The following ADGRL3 variants were observed in gnomAD, a reference collection of about 807,000 sequenced individuals.
The protein encoded by ADGRL3 is calcium-independent alpha-latrotoxin receptor 3.
A neutral mutation model predicts 153.5 loss-of-function variants in ADGRL3; 62 were observed. The ratio of observed to expected loss-of-function variants is 0.40; its 90% confidence interval spans 0.33 to 0.50. ADGRL3 has a LOEUF of 0.50. ADGRL3 is among the 20% of genes least tolerant of loss of function. The probability of loss-of-function intolerance (pLI) is 0.47; values close to 1 mark genes in which losing one functional copy is unlikely to be tolerated. For synonymous variants in ADGRL3, 710 were observed against 672.5 expected (o/e 1.06, Z -0.86); for missense variants, 1,641 against 1,859.4 (o/e 0.88, Z 2.16).
chr4:61,591,319 T>C (rs879500586), intron 5 of ADGRL3, among the ~76,000 whole-genome samples: 2 of 152,204 alleles, frequency 1.3e-5, no homozygotes, highest in African/African-American at 4.8e-5. Flanking sequence ...TAGCAACTGT[T>C]GCAACCACTG....
intron 12 of ADGRL3, among the ~76,000 whole-genome samples, chr4:61,911,643 T>A (rs1295856920): frequency 6.6e-6 from 1 of 152,138 alleles, no homozygotes; most frequent in Admixed American, 6.6e-5. Flanking sequence ...ACGATGCAAG[T>A]CAGTGATCCA....
At chr4:61,640,588 CTA>C (rs1307350542) in intron 5 of ADGRL3, among the ~76,000 whole-genome samples, 1 of 152,080 alleles carries the variant, frequency 6.6e-6, no homozygotes, top group Non-Finnish European at 1.5e-5. Flanking sequence ...ATGGTGAGAA[CTA>C]TGTTTTGTTC....
intron 9 of ADGRL3, among the ~76,000 whole-genome samples, chr4:61,865,082 C>T (rs1005490534): frequency 6.6e-6 from 1 of 152,060 alleles, no homozygotes; most frequent in African/African-American, 2.4e-5. Flanking sequence ...ACTCGTCTCT[C>T]GCAGAATGAG....
chr4:61,423,752 CTTTA>C (rs1314637349), intron 2 of ADGRL3, among the ~76,000 whole-genome samples: 1 of 152,022 alleles, frequency 6.6e-6, no homozygotes, highest in Non-Finnish European at 1.5e-5. Flanking sequence ...TTGTGTTGTT[CTTTA>C]TTTAGTTGGA....
At chr4:61,933,910 C>T (rs1365617626) in intron 13 of ADGRL3, 1 of 152,104 alleles carries the variant, frequency 6.6e-6, no homozygotes, top group Admixed American at 6.6e-5. Context: ...GGATTAGATG[C>T]ATATTTCATA....
chr4:61,261,752 G>A (rs1257713268), intron 1 of ADGRL3, among the ~76,000 whole-genome samples: 3 of 152,164 alleles, frequency 2.0e-5, no homozygotes, highest in Non-Finnish European at 2.9e-5. Context: ...TCTTTGCAAG[G>A]ACATCTAAAC....
intron 6 of ADGRL3, among the ~76,000 whole-genome samples, chr4:61,701,368 T>C: frequency 6.6e-6 from 1 of 151,664 alleles, no homozygotes; most frequent in East Asian, 1.9e-4. Context: ...AGAAAATGGT[T>C]ACATAATCAA....
chr4:61,850,748 A>C (rs1415354054), intron 9 of ADGRL3, among the ~76,000 whole-genome samples: 1 of 152,212 alleles, frequency 6.6e-6, no homozygotes, highest in Non-Finnish European at 1.5e-5. Flanking sequence ...ATGTTACAGA[A>C]GGATTGTAGT....
At chr4:61,408,182 G>A (rs976522452) in intron 2 of ADGRL3, among the ~76,000 whole-genome samples, 12 of 152,042 alleles carry the variant, frequency 7.9e-5, no homozygotes, top group African/African-American at 2.9e-4. Flanking sequence ...TTAAACTTCT[G>A]CAAGGTTTTT....
intron 21 of ADGRL3, among the ~76,000 whole-genome samples, chr4:62,023,273 C>T (rs981799575): frequency 6.6e-6 from 1 of 152,120 alleles, no homozygotes. Flanking sequence ...TAAATTTCTG[C>T]AATCTCATCA....
chr4:61,954,355 C>T (rs1380267577), intron 17 of ADGRL3, among the ~76,000 whole-genome samples: 1 of 151,972 alleles, frequency 6.6e-6, no homozygotes, highest in Non-Finnish European at 1.5e-5. Flanking sequence ...CATCTCCCCT[C>T]TGCTTGTTTG....
chr4:61,909,173 G>A (rs1269188850), intron 11 of ADGRL3, among the ~76,000 whole-genome samples: 1 of 152,136 alleles, frequency 6.6e-6, no homozygotes, highest in Non-Finnish European at 1.5e-5. Flanking sequence ...AGACACAAAG[G>A]AAAATTTGCA....
chr4:61,800,291 T>C (rs2097477872), intron 8 of ADGRL3, among the ~76,000 whole-genome samples: 1 of 152,176 alleles, frequency 6.6e-6, no homozygotes, highest in South Asian at 2.1e-4. Context: ...TATACATATA[T>C]AATATTTTAA....
intron 11 of ADGRL3, among the ~76,000 whole-genome samples, chr4:61,905,884 G>A (rs948993361): frequency 1.7e-4 from 26 of 148,658 alleles, no homozygotes; most frequent in African/African-American, 6.2e-4. Context: ...GACAGAGGAA[G>A]ACTCTGTCTC....
intron 2 of ADGRL3, among the ~76,000 whole-genome samples, chr4:61,485,130 A>G (rs959749376): frequency 6.6e-6 from 1 of 152,178 alleles, no homozygotes; most frequent in Non-Finnish European, 1.5e-5. Flanking sequence ...ATAATGGGCC[A>G]TTAAGAAAGG....
At chr4:61,592,641 T>C (rs935989276) in intron 5 of ADGRL3, among the ~76,000 whole-genome samples, 1 of 152,198 alleles carries the variant, frequency 6.6e-6, no homozygotes, top group African/African-American at 2.4e-5. Flanking sequence ...TACTTATTTC[T>C]TCTCCTCTAA....
intron 9 of ADGRL3, among the ~76,000 whole-genome samples, chr4:61,814,543 G>C (rs1341936580): frequency 6.6e-6 from 1 of 152,100 alleles, no homozygotes; most frequent in Non-Finnish European, 1.5e-5. Context: ...CAGCTGATAT[G>C]TGGACATGCT....
chr4:61,207,720 G>A (rs1737969614), intron 1 of ADGRL3, among the ~76,000 whole-genome samples: 1 of 152,104 alleles, frequency 6.6e-6, no homozygotes, highest in Non-Finnish European at 1.5e-5. Flanking sequence ...ATTGTTTTCT[G>A]ACTTTTTAAT....
At chr4:61,899,245 T>C (rs1363156764) in intron 11 of ADGRL3, among the ~76,000 whole-genome samples, 1 of 152,134 alleles carries the variant, frequency 6.6e-6, no homozygotes, top group Admixed American at 6.6e-5. Context: ...CACCATCTCC[T>C]TCTCTTTCCT....
Sources: gnomAD v4.1 joint callset for allele counts (sites outside exome capture counted in the v4.1 genomes callset) on GRCh38, gnomAD v4.1.1 for gene constraint, MANE v1.5 for transcripts, NCBI Gene and HGNC (gene_info 2026-07-23, HGNC 2026-07-21) for gene names.